GPR141: variants seen among roughly 807,000 people sequenced by gnomAD.
GPR141 encodes probable G protein-coupled receptor 141.
GPR141 carries 6 observed loss-of-function variants against 6.8 expected under a neutral mutation model. That is an observed-to-expected ratio of 0.88 (90% confidence interval 0.48 to 1.74). The LOEUF (loss-of-function observed/expected upper bound fraction) is 1.74, where lower values mean the gene tolerates loss of function less well. Among genes scored for constraint, GPR141 ranks in the 40% most tolerant of loss-of-function variants. The probability of loss-of-function intolerance (pLI) is 0.01; values close to 1 mark genes in which losing one functional copy is unlikely to be tolerated. For synonymous variants in GPR141, 140 were observed against 142.3 expected (o/e 0.98, Z 0.11); for missense variants, 372 against 372.9 (o/e 1.00, Z 0.02).
chr7:37,719,027 G>A (rs1811185200), intron 2 of GPR141, among the ~76,000 whole-genome samples: 1 of 152,216 alleles, frequency 6.6e-6, no homozygotes, highest in Non-Finnish European at 1.5e-5. Flanking sequence ...TTTCTTGCCT[G>A]TGCGTGAAGA....
In GPR141 at chr7:37,690,212, G is replaced by T. The variant is rs529762303; in HGVS notation, c.-15+4629G>T. ...TTTTGTTTTTGTTTTTAATTTCCAT[G>T]CATTTTTACGGTTTTGAACATTTCT... On this transcript the variant is annotated intron_variant, in intron 2 of 2. Coordinates refer to ENST00000334425, the MANE Select transcript of GPR141 (RefSeq NM_001381946.1). 1.2e-4 allele frequency among the ~76,000 whole-genome samples: 19 copies of T among 152,050 alleles called. No individual in the cohort carries two copies. The South Asian group carries it at 3.5e-3, about 28-fold the overall frequency.
chr7:37,723,383 T>G (rs551170081), intron 2 of GPR141, among the ~76,000 whole-genome samples: 17 of 139,306 alleles, frequency 1.2e-4, no homozygotes, highest in Admixed American at 4.3e-4. Context: ...ACTGAGAAAA[T>G]AAAAAGAAAT....
chr7:37,692,349 G>A (rs1267819824), intron 2 of GPR141, among the ~76,000 whole-genome samples: 2 of 152,164 alleles, frequency 1.3e-5, no homozygotes, highest in Non-Finnish European at 2.9e-5. Context: ...TGGCTGCATA[G>A]TATTCCATGG....
chr7:37,715,261 A>G (rs1329718847), intron 2 of GPR141, among the ~76,000 whole-genome samples: 1 of 152,138 alleles, frequency 6.6e-6, no homozygotes, highest in Non-Finnish European at 1.5e-5. Context: ...ATCTGGGACT[A>G]TAGGTGTGAG....
intron 2 of GPR141, among the ~76,000 whole-genome samples, chr7:37,719,681 A>G (rs1266812928): frequency 6.6e-6 from 1 of 152,204 alleles, no homozygotes; most frequent in East Asian, 1.9e-4. Flanking sequence ...TAGAATGTAC[A>G]GTTCATAGGC....
chr7:37,723,413 G>C (rs1346211966), intron 2 of GPR141, among the ~76,000 whole-genome samples: 1 of 151,246 alleles, frequency 6.6e-6, no homozygotes, highest in Non-Finnish European at 1.5e-5. Flanking sequence ...GAAGTTACTA[G>C]GAAGAAAAAA....
Position 37,742,338 on chromosome 7 carries a change from T to C in GPR141, c.*1027T>C, listed in dbSNP as rs950610781. ...TAGGTATACACGTGCCATGGTGGTT[T>C]GCGGCACCTGTCAACCCATCTACAT... On this transcript the variant is annotated 3_prime_UTR_variant, in exon 3 of 3. Coordinates refer to ENST00000334425, the MANE Select transcript of GPR141 (RefSeq NM_001381946.1). Among the ~76,000 whole-genome samples the C allele has an allele frequency of 6.6e-6, 1 of 152,044 alleles. No homozygotes were observed. Among genetic ancestry groups the C allele is most frequent in the African/African-American group, 2.4e-5 (1 of 41,382 alleles).
At chr7:37,693,480 A>G (rs564734185) in intron 2 of GPR141, among the ~76,000 whole-genome samples, 118 of 152,306 alleles carry the variant, frequency 7.7e-4, no homozygotes, top group African/African-American at 2.7e-3. Context: ...TGTCTTGGTT[A>G]TATGGGCTTG....
intron 2 of GPR141, among the ~76,000 whole-genome samples, chr7:37,703,386 T>G (rs1184081724): frequency 6.6e-6 from 1 of 152,196 alleles, no homozygotes; most frequent in East Asian, 1.9e-4. Flanking sequence ...ACTTTTGGCC[T>G]TACTGAATCT....
At chr7:37,712,576 C>T (rs1451126307) in intron 2 of GPR141, among the ~76,000 whole-genome samples, 1 of 152,162 alleles carries the variant, frequency 6.6e-6, no homozygotes, top group Non-Finnish European at 1.5e-5. Flanking sequence ...GGTCATGAAT[C>T]AAAGGCCTTT....
chr7:37,711,965 C>T lies in GPR141; in HGVS notation c.-15+26382C>T, dbSNP rs139759376. Among the ~76,000 whole-genome samples, 164 of 152,194 alleles carry T rather than the reference C, an allele frequency of 1.1e-3. No homozygotes were observed. In the Middle Eastern group the frequency reaches 0.014, roughly 13 times the overall value. On this transcript the variant is annotated intron_variant, in intron 2 of 2. Transcript: ENST00000334425. ...TATGGTAAAAATAGATGACAGATGCCCTCAAAGTCAGGGGAGATACCTTCA... is the reference window on the plus strand; with the variant it reads ...TATGGTAAAAATAGATGACAGATGCTCTCAAAGTCAGGGGAGATACCTTCA...
At chr7:37,734,825 C>T (rs1202738200) in intron 2 of GPR141, among the ~76,000 whole-genome samples, 1 of 152,110 alleles carries the variant, frequency 6.6e-6, no homozygotes, top group Non-Finnish European at 1.5e-5. Context: ...GGTGTTGGTG[C>T]TAAGGCAAGA....
intron 2 of GPR141, among the ~76,000 whole-genome samples, chr7:37,739,967 C>A (rs1236221188): frequency 6.6e-6 from 1 of 152,058 alleles, no homozygotes; most frequent in Non-Finnish European, 1.5e-5. Flanking sequence ...GAATTATAAT[C>A]ATGCCCGTAA....
rs753583136 is a variant in GPR141 at position 37,738,922 on chromosome 7, GTGTT to G, written c.-14-1453_-14-1450del. Reference sequence around the variant, plus strand: ...ATTTAGTAATGTTTCTCAACTTTTTGTGTTTGTTATGGTCCCTCTAATGAGTATT... The same window carrying G: ...ATTTAGTAATGTTTCTCAACTTTTTGTGTTATGGTCCCTCTAATGAGTATT... On this transcript the variant is annotated intron_variant, in intron 2 of 2. Coordinates refer to ENST00000334425, the MANE Select transcript of GPR141 (RefSeq NM_001381946.1). 4.1e-4 allele frequency among the ~76,000 whole-genome samples: 62 copies of G among 152,082 alleles called. 1 individual carries two copies. The highest frequency in any genetic ancestry group is 2.7e-3 in the Admixed American group (41 of 15,284).
rs1810549029 is a variant in GPR141 at position 37,706,886 on chromosome 7, A to G, written c.-15+21303A>G. Among the ~76,000 whole-genome samples the G allele has an allele frequency of 2.0e-5, 3 of 152,176 alleles. No homozygotes were observed. The South Asian group carries it at 6.2e-4, about 32-fold the overall frequency. ...TTGCAAATAGCCTGGGCATGGACAA[A>G]GGAAAATAAGAACTGCCCCTTCTTG... On this transcript the variant is annotated intron_variant, in intron 2 of 2. Transcript: ENST00000334425.
intron 2 of GPR141, among the ~76,000 whole-genome samples, chr7:37,722,420 C>G (rs1216967541): frequency 8.9e-6 from 1 of 111,808 alleles, no homozygotes; most frequent in Non-Finnish European, 2.0e-5. Context: ...GTAAGGTTCC[C>G]TCTCTTAAAA....
intron 2 of GPR141, among the ~76,000 whole-genome samples, chr7:37,733,744 A>G (rs937174727): frequency 6.6e-6 from 1 of 152,078 alleles, no homozygotes; most frequent in African/African-American, 2.4e-5. Flanking sequence ...GTTAGTTACC[A>G]TTCCAGTTAT....
chr7:37,718,512 GAAGGAAGGAAGA>G (rs201501102), intron 2 of GPR141, among the ~76,000 whole-genome samples: 15,289 of 81,944 alleles, frequency 0.19, 1,065 homozygotes, highest in East Asian at 0.38. Context: ...ACTCTGTCTC[GAAGGAAGGAAGA>G]AAGGAAGGAA....
intron 2 of GPR141, among the ~76,000 whole-genome samples, chr7:37,697,354 C>G (rs1810068360): frequency 6.6e-6 from 1 of 152,128 alleles, no homozygotes; most frequent in Non-Finnish European, 1.5e-5. Context: ...TATCATTAAC[C>G]AAATGACTGA....
Sources: allele counts gnomAD v4.1 joint callset (sites outside exome capture counted in the v4.1 genomes callset), GRCh38; gene constraint gnomAD v4.1.1; transcripts MANE v1.5; gene names NCBI Gene and HGNC (gene_info 2026-07-23, HGNC 2026-07-21).